Variants in TEKT5 observed in about 807,000 individuals in gnomAD.
TEKT5 encodes the protein tektin-5.
Under a neutral mutation model 48.7 loss-of-function variants are expected in TEKT5, and 52 were observed. That is an observed-to-expected ratio of 1.07 (90% CI 0.86 to 1.35). TEKT5 has a LOEUF of 1.35. Ranked by LOEUF, TEKT5 falls within the 40% of genes most tolerant of loss-of-function variation. The pLI, the probability that TEKT5 is intolerant of heterozygous loss-of-function variation, is 0.00. For missense variants in TEKT5, 831 were observed against 641.6 expected (o/e 1.30, Z -3.19); for synonymous variants, 318 against 267.6 (o/e 1.19, Z -1.84).
chr16:10,656,279 G>C (rs1289001088), intron 5 of TEKT5, among the ~76,000 whole-genome samples: 1 of 152,068 alleles, frequency 6.6e-6, no homozygotes, highest in African/African-American at 2.4e-5. Flanking sequence ...TTTTTTGAGA[G>C]TCTTGCTCAT....
At chr16:10,690,241 G>A (rs1436948697) in intron 1 of TEKT5, 3 of 560,398 alleles carry the variant, frequency 5.4e-6, no homozygotes, top group East Asian at 2.9e-5. Flanking sequence ...ATCCGGAGAT[G>A]CAAGGCCCAT....
rs566622602 is a variant in TEKT5 at position 10,689,978 on chromosome 16, A to G, written c.612T>C (p.Asp204=). 3.1e-6 allele frequency: 5 copies of G among 1,613,868 alleles called. No individual in the cohort carries two copies. In the South Asian group the frequency reaches 3.3e-5, roughly 11 times the overall value. ...LYHREKRIGI[D]LVHDNVEKNL... is the part of the protein sequence containing the mutation. ...TTTTCTCCACGTTGTCATGGACCAA[A>G]TCAATCCCAATCCTCTTCTCTCGAT... The change falls in exon 2 of 7, where the codon GAT becomes GAC. Residue 204 remains aspartate (D), a synonymous_variant. Coordinates refer to ENST00000283025, the MANE Select transcript of TEKT5 (RefSeq NM_144674.2).
chr16:10,649,967 G>C (rs879711014), intron 5 of TEKT5, among the ~76,000 whole-genome samples: 1 of 152,084 alleles, frequency 6.6e-6, no homozygotes, highest in Admixed American at 6.6e-5. Flanking sequence ...TTGGAGACTG[G>C]AACTGACAGC....
chr16:10,694,788 G>T lies in TEKT5; in HGVS notation c.86C>A (p.Ala29Glu), dbSNP rs200938027. Residue 29 changes from alanine (A) to glutamate (E), a missense_variant, in exon 1 of 7, where the codon GCG becomes GAG. Physicochemically the swap from Ala to Glu is moderately radical, Grantham distance 107. Coordinates refer to ENST00000283025, the MANE Select transcript of TEKT5 (RefSeq NM_144674.2). ...CGLTSLPAVQ[A>E]PVIQECYQPY... ...CTGATAGCATTCCTGGATCACTGGC[G>T]CCTGTACAGCTGGCAGTGAGGTCAA... 1.9e-6 allele frequency: 3 copies of T among 1,613,344 alleles called. No individual in the cohort carries two copies. Among genetic ancestry groups the T allele is most frequent in the African/African-American group, 2.7e-5 (2 of 74,902 alleles).
intron 1 of TEKT5, among the ~76,000 whole-genome samples, chr16:10,694,056 CAAT>C (rs1899028717): frequency 6.6e-6 from 1 of 152,294 alleles, no homozygotes; most frequent in African/African-American, 2.4e-5. Context: ...AGTATGCACA[CAAT>C]ATTTTCATGA....
chr16:10,655,887 T>C (rs1194167914), intron 5 of TEKT5, among the ~76,000 whole-genome samples: 1 of 152,224 alleles, frequency 6.6e-6, no homozygotes, highest in African/African-American at 2.4e-5. Context: ...ATTTATTTTA[T>C]GTGAGAGGAA....
intron 5 of TEKT5, among the ~76,000 whole-genome samples, chr16:10,672,481 A>T (rs1943723797): frequency 6.6e-6 from 1 of 152,190 alleles, no homozygotes; most frequent in South Asian, 2.1e-4. Context: ...CTGTAATCCC[A>T]GCTACTCAGG....
At chr16:10,662,932 T>A (rs948261237) in intron 5 of TEKT5, among the ~76,000 whole-genome samples, 2 of 152,208 alleles carry the variant, frequency 1.3e-5, no homozygotes, top group Non-Finnish European at 2.9e-5. Flanking sequence ...TTACAGTAAG[T>A]TATCATTTTC....
intron 6 of TEKT5, among the ~76,000 whole-genome samples, chr16:10,631,513 T>C (rs1596398772): frequency 6.6e-6 from 1 of 152,040 alleles, no homozygotes; most frequent in Non-Finnish European, 1.5e-5. Context: ...TCGGGTGGTG[T>C]TCCTCAGAAA....
At position 10,637,032 on chromosome 16, in the gene TEKT5, C is replaced by T. The variant is rs2719675; in HGVS notation, c.1087-1114G>A. Reference sequence around the variant, plus strand: ...AGTCTCGCTCTGTCACCAGGGCTGGCGTGCAGTGGTGCGATTTCGGCTCAC... The same window carrying T: ...AGTCTCGCTCTGTCACCAGGGCTGGTGTGCAGTGGTGCGATTTCGGCTCAC... On this transcript the variant is annotated intron_variant, in intron 5 of 6. Coordinates refer to ENST00000283025, the MANE Select transcript of TEKT5 (RefSeq NM_144674.2). 2.9e-3 allele frequency among the ~76,000 whole-genome samples: 420 copies of T among 145,808 alleles called. 4 individuals are homozygous for T. The highest frequency in any genetic ancestry group is 0.01 in the African/African-American group (394 of 38,602).
chr16:10,667,932 C>G (rs540751773), intron 5 of TEKT5, among the ~76,000 whole-genome samples: 8 of 151,370 alleles, frequency 5.3e-5, no homozygotes, highest in Admixed American at 5.3e-4. Context: ...GGCTGGAGTG[C>G]AGTGGCATGA....
At chr16:10,643,596 C>T (rs1898026876) in intron 5 of TEKT5, among the ~76,000 whole-genome samples, 1 of 152,096 alleles carries the variant, frequency 6.6e-6, no homozygotes, top group Admixed American at 6.5e-5. Flanking sequence ...CGTAAGTAAG[C>T]ACGTAACATG....
intron 6 of TEKT5, among the ~76,000 whole-genome samples, chr16:10,630,317 C>T (rs1042528204): frequency 6.6e-6 from 1 of 151,952 alleles, no homozygotes; most frequent in African/African-American, 2.4e-5. Context: ...CTTACTGCAG[C>T]CTCAAACCTC....
At chr16:10,644,818 T>C (rs1310297048) in intron 5 of TEKT5, among the ~76,000 whole-genome samples, 1 of 152,200 alleles carries the variant, frequency 6.6e-6, no homozygotes, top group Non-Finnish European at 1.5e-5. Context: ...TTCTCGTGTA[T>C]GTTCTGTAAT....
chr16:10,645,824 T>C (rs143278978), intron 5 of TEKT5, among the ~76,000 whole-genome samples: 2 of 152,066 alleles, frequency 1.3e-5, no homozygotes, highest in African/African-American at 4.8e-5. Flanking sequence ...CTAAATAAAA[T>C]TTAAAAAATA....
intron 4 of TEKT5, 70 bp from the exon 5 acceptor site, chr16:10,676,251 C>T (rs1346211719): frequency 2.7e-6 from 4 of 1,455,052 alleles, no homozygotes; most frequent in South Asian, 1.2e-5. Flanking sequence ...TCCGCCTTGG[C>T]AGTCTTGGCC....
intron 5 of TEKT5, among the ~76,000 whole-genome samples, chr16:10,642,652 T>C (rs1354386468): frequency 6.6e-6 from 1 of 152,230 alleles, no homozygotes. Flanking sequence ...ACTTAGCCTA[T>C]TGTAAGAATC....
intron 6 of TEKT5, among the ~76,000 whole-genome samples, chr16:10,628,199 T>C (rs1386756951): frequency 6.6e-6 from 1 of 152,134 alleles, no homozygotes; most frequent in Non-Finnish European, 1.5e-5. Flanking sequence ...CTGGGAACTG[T>C]GCCTGGCACT....
chr16:10,641,733 C>T lies in TEKT5; in HGVS notation c.1087-5815G>A, dbSNP rs143564456. Among the ~76,000 whole-genome samples, 734 of 152,252 alleles carry T rather than the reference C, an allele frequency of 4.8e-3. 8 individuals carry two copies. Among genetic ancestry groups the T allele is most frequent in the Middle Eastern group, 0.027 (8 of 294 alleles). ...GCTACAAGGGAGGCTGAGGCAGGAG[C>T]ATCACCTGAGCATGAGAGGTTGAGG... On this transcript the variant is annotated intron_variant, in intron 5 of 6. Coordinates refer to ENST00000283025, the MANE Select transcript of TEKT5 (RefSeq NM_144674.2).
Sources: gnomAD v4.1 joint callset for allele counts (sites outside exome capture counted in the v4.1 genomes callset) on GRCh38, gnomAD v4.1.1 for gene constraint, MANE v1.5 for transcripts, NCBI Gene and HGNC (gene_info 2026-07-23, HGNC 2026-07-21) for gene names.